ADAM9: variants seen among roughly 807,000 people sequenced by gnomAD.
ADAM9 encodes the protein ADAM metallopeptidase domain 9.
ADAM9 carries 54 observed loss-of-function variants against 108.1 expected under a neutral mutation model. The observed-to-expected ratio is 0.50, with a 90% CI of 0.40 to 0.63. The LOEUF is 0.63. ADAM9 is among the 20% of genes least tolerant of loss of function. The probability of loss-of-function intolerance (pLI) is 0.00; values close to 1 mark genes in which losing one functional copy is unlikely to be tolerated. For synonymous variants in ADAM9, 316 were observed against 336.0 expected, an observed-to-expected ratio of 0.94 and a Z score of 0.65; for missense variants, 830 against 997.7, an observed-to-expected ratio of 0.83 and a Z score of 2.26.
chr8:39,100,574 TC>T (rs2129443593), intron 20 of ADAM9, among the ~76,000 whole-genome samples: 1 of 152,188 alleles, frequency 6.6e-6, no homozygotes, highest in East Asian at 1.9e-4. Flanking sequence ...GTGGACTTGA[TC>T]CCTTTAGAGT....
At chr8:39,102,247 G>T (rs573024870) in intron 21 of ADAM9, among the ~76,000 whole-genome samples, 1 of 152,110 alleles carries the variant, frequency 6.6e-6, no homozygotes, top group African/African-American at 2.4e-5. Flanking sequence ...CAGCCTTCCC[G>T]TCAAAAACAG....
In ADAM9 at chr8:39,087,304, C is replaced by G. The variant is rs7844496; in HGVS notation, c.2069-2743C>G. 6.8e-3 allele frequency among the ~76,000 whole-genome samples: 1,035 copies of G among 152,152 alleles called. 8 individuals carry two copies. Among genetic ancestry groups the G allele is most frequent in the Middle Eastern group, 0.048 (14 of 294 alleles). ...TGCCTGATGTCCAGTGTCTTGAAAA[C>G]TGTTGTTTCATATATTATGTCTGGT... On this transcript the variant is annotated intron_variant, in intron 18 of 21. Coordinates refer to ENST00000487273, the MANE Select transcript of ADAM9 (RefSeq NM_003816.3).
chr8:39,011,667 G>A lies in ADAM9; in HGVS notation c.205G>A (p.Val69Ile). Residue 69 changes from valine (V) to isoleucine (I), a missense_variant, in exon 3 of 22, where the codon GTT (valine) becomes ATT (isoleucine). This residue lies in a region of ADAM9 where 211 missense variants were observed against 222.2 expected (regional missense o/e 0.95). Coordinates refer to ENST00000487273, the MANE Select transcript of ADAM9 (RefSeq NM_003816.3). ...CCTTCTGTGCATTTAGGTATCTTAT[G>A]TTATTCAGGCTGAAGGAAAAGAGCA... is the stretch of plus-strand genomic sequence containing the variant. ...PRPYSKQVSYVIQAEGKEHII... is the reference protein window; with the variant it reads ...PRPYSKQVSYIIQAEGKEHII... 6.2e-7 allele frequency: 1 copy of A among 1,610,780 alleles called. No individual in the cohort carries two copies.
intron 16 of ADAM9, among the ~76,000 whole-genome samples, chr8:39,082,273 T>C (rs1839047966): frequency 6.6e-6 from 1 of 152,184 alleles, no homozygotes; most frequent in African/African-American, 2.4e-5. Flanking sequence ...ATAGACCTTC[T>C]ATCCTTGAAA....
At chr8:39,017,947 C>T (rs1340422956) in intron 6 of ADAM9, among the ~76,000 whole-genome samples, 1 of 152,168 alleles carries the variant, frequency 6.6e-6, no homozygotes, top group Non-Finnish European at 1.5e-5. Flanking sequence ...GATTCTTGAA[C>T]CCTAGATTGG....
chr8:39,070,345 T>C (rs905821717), intron 14 of ADAM9, among the ~76,000 whole-genome samples: 2 of 152,142 alleles, frequency 1.3e-5, no homozygotes, highest in African/African-American at 4.8e-5. Context: ...TTTATCCTTC[T>C]GGATAAATTT....
intron 20 of ADAM9, among the ~76,000 whole-genome samples, chr8:39,099,954 A>C (rs1043400511): frequency 3.0e-5 from 4 of 133,920 alleles, no homozygotes; most frequent in African/African-American, 8.7e-5. Context: ...ATCTCGGCTC[A>C]TTGCAACCAC....
chr8:39,080,826 A>G (rs552452121), intron 16 of ADAM9, among the ~76,000 whole-genome samples: 2 of 151,960 alleles, frequency 1.3e-5, no homozygotes, highest in South Asian at 4.2e-4. Flanking sequence ...AAATCAGTAA[A>G]CCAGAAGTCC....
chr8:39,025,928 C>T (rs774738411), intron 10 of ADAM9, 44 bp downstream of exon 10: 246 of 1,553,276 alleles, frequency 1.6e-4, no homozygotes, highest in Non-Finnish European at 2.0e-4. Flanking sequence ...TGCACTGGGA[C>T]AATATCAAGC....
Position 39,103,742 on chromosome 8 carries a change from G to A in ADAM9, c.*42G>A. The A allele has an allele frequency of 6.4e-7, 1 of 1,569,548 alleles. No individual in the cohort carries two copies. The highest frequency in any genetic ancestry group is 8.8e-7 in the Non-Finnish European group (1 of 1,140,764). On this transcript the variant is annotated 3_prime_UTR_variant, in exon 22 of 22. Transcript: ENST00000487273. ...TTTGCAAATGTCTTCAGGGAACTGA[G>A]CTAATACTTTTTTTTTTTCTTGATG...
At chr8:39,054,621 A>G in intron 13 of ADAM9, 48 bp downstream of exon 13, 2 of 1,464,746 alleles carry the variant, frequency 1.4e-6, no homozygotes, top group African/African-American at 1.5e-5. Flanking sequence ...AAAAAAAAAA[A>G]AGAAAACCTG....
chr8:39,048,055 G>C (rs1436479734), intron 12 of ADAM9, among the ~76,000 whole-genome samples: 1 of 151,846 alleles, frequency 6.6e-6, no homozygotes, highest in African/African-American at 2.4e-5. Flanking sequence ...TCAGTAGCTA[G>C]GATTACAGGC....
At chr8:39,045,052 GTGTGTGTGCATACATACATA>G (rs1370612502) in intron 12 of ADAM9, among the ~76,000 whole-genome samples, 4,607 of 99,414 alleles carry the variant, frequency 0.046, 871 homozygotes, top group African/African-American at 0.052. Flanking sequence ...GTATGTGTAT[GTGTGTGTGCATACATACATA>G]TGTGTGTGTG....
In ADAM9 at chr8:39,023,270, T is replaced by C; in HGVS notation, c.859T>C (p.Trp287Arg). 2.5e-6 allele frequency: 4 copies of C among 1,613,520 alleles called. No homozygotes were observed. Among genetic ancestry groups the C allele is most frequent in the Non-Finnish European group, 3.4e-6 (4 of 1,179,756 alleles). ...AGDVLGNFVQ[W>R]REKFLITRRR... Reference sequence around the variant, plus strand: ...TGATGTGCTGGGGAACTTCGTGCAGTGGCGGGAAAAGTTTCTTATCACACG... The same window carrying C: ...TGATGTGCTGGGGAACTTCGTGCAGCGGCGGGAAAAGTTTCTTATCACACG... The change falls in exon 9 of 22, where the codon TGG becomes CGG. Residue 287 changes from tryptophan to arginine, a missense_variant. Coordinates refer to ENST00000487273, the MANE Select transcript of ADAM9 (RefSeq NM_003816.3).
At chr8:39,006,071 G>A (rs948979399) in intron 1 of ADAM9, among the ~76,000 whole-genome samples, 4 of 152,210 alleles carry the variant, frequency 2.6e-5, no homozygotes, top group African/African-American at 9.7e-5. Flanking sequence ...ATTTACAACA[G>A]ATCAGGAACC....
chr8:39,053,736 T>C (rs2129438521), intron 12 of ADAM9, among the ~76,000 whole-genome samples: 1 of 152,148 alleles, frequency 6.6e-6, no homozygotes, highest in Admixed American at 6.5e-5. Context: ...CAGAGTATAG[T>C]GAGAGAAGCC....
At chr8:39,092,192 A>G (rs1409896352) in intron 20 of ADAM9, among the ~76,000 whole-genome samples, 2 of 152,174 alleles carry the variant, frequency 1.3e-5, no homozygotes, top group African/African-American at 4.8e-5. Context: ...GTTTTATTTG[A>G]TAATTTGCAC....
intron 16 of ADAM9, among the ~76,000 whole-genome samples, chr8:39,081,588 C>A (rs1839026258): frequency 6.6e-6 from 1 of 152,126 alleles, no homozygotes; most frequent in African/African-American, 2.4e-5. Flanking sequence ...ACTGTAGAAT[C>A]TTCTGTAATT....
intron 15 of ADAM9, chr8:39,076,417 G>A (rs1173092914): frequency 6.6e-6 from 1 of 152,228 alleles, no homozygotes; most frequent in African/African-American, 2.4e-5. Context: ...TACCTAATAA[G>A]CAGAAAGAAG....
Sources: gnomAD v4.1 joint callset for allele counts (sites outside exome capture counted in the v4.1 genomes callset) on GRCh38, gnomAD v4.1.1 for gene constraint, gnomAD v4.1.1 regional missense constraint, MANE v1.5 for transcripts, NCBI Gene and HGNC (gene_info 2026-07-23, HGNC 2026-07-21) for gene names.